The following MCC variants were observed in gnomAD, a reference collection of about 807,000 sequenced individuals.
The protein encoded by MCC is MCC regulator of Wnt signaling pathway, also known as colorectal mutant cancer protein.
A neutral mutation model predicts 116.2 loss-of-function variants in MCC; 90 were observed. The observed-to-expected ratio is 0.77, with a 90% CI of 0.65 to 0.92. The LOEUF (loss-of-function observed/expected upper bound fraction) is 0.92, where lower values mean the gene tolerates loss of function less well. MCC is among the 40% of genes least tolerant of loss of function. MCC has a pLI of 0.00. For synonymous variants in MCC, 578 were observed against 510.5 expected (o/e 1.13, Z -1.78); for missense variants, 1,516 against 1,312.2 (o/e 1.16, Z -2.40).
At chr5:113,095,311 T>C (rs1202706029) in intron 8 of MCC, among the ~76,000 whole-genome samples, 1 of 152,116 alleles carries the variant, frequency 6.6e-6, no homozygotes, top group Non-Finnish European at 1.5e-5. Context: ...ATCCCAAATT[T>C]TGGTACCAAG....
chr5:113,107,098 T>A (rs28513913), intron 6 of MCC, among the ~76,000 whole-genome samples: 10,167 of 152,222 alleles, frequency 0.067, 775 homozygotes, highest in African/African-American at 0.19. Context: ...CAACAGAGAA[T>A]AGGGTAGGCG....
chr5:113,434,020 G>GCTGCAT lies in MCC; in HGVS notation c.171-48814_171-48809dup, dbSNP rs1561569692. On this transcript the variant is annotated intron_variant, in intron 1 of 18. Coordinates refer to ENST00000408903, the MANE Select transcript of MCC (RefSeq NM_001085377.2). This position sits in a 1 kb window ranked among gnomAD's most constrained non-coding sequence, Gnocchi z 4.2. Reference sequence around the variant, plus strand: ...ACAGAGGGAGATCCCCGTGCCTTGGGCTGCATCCAGCAGTGGCTGAGGATC... The same window carrying GCTGCAT: ...ACAGAGGGAGATCCCCGTGCCTTGGGCTGCATCTGCATCCAGCAGTGGCTGAGGATC... The GCTGCAT allele has an allele frequency of 6.2e-7, 1 of 1,614,040 alleles. No homozygotes were observed. Among genetic ancestry groups the GCTGCAT allele is most frequent in the South Asian group, 1.1e-5 (1 of 91,076 alleles).
At chr5:113,151,464 G>T in intron 3 of MCC, 42 bp from the exon 4 acceptor site, 1 of 1,109,648 alleles carries the variant, frequency 9.0e-7, no homozygotes, top group Non-Finnish European at 1.3e-6. Flanking sequence ...TTGTAGCAGA[G>T]ATGTATTTCC....
chr5:113,187,754 CA>C (rs5870533), intron 3 of MCC, among the ~76,000 whole-genome samples: 38,318 of 122,456 alleles, frequency 0.31, 5,483 homozygotes, highest in African/African-American at 0.42. Context: ...GACTCCAACT[CA>C]AAAAAAAAAA....
intron 3 of MCC, among the ~76,000 whole-genome samples, chr5:113,211,119 T>C (rs1259412268): frequency 6.6e-6 from 1 of 152,180 alleles, no homozygotes; most frequent in Non-Finnish European, 1.5e-5. Flanking sequence ...TTTCAAAAGG[T>C]GGGCCTTAGG....
At chr5:113,215,447 TCAGTGGC>T (rs1763278289) in intron 3 of MCC, among the ~76,000 whole-genome samples, 1 of 152,194 alleles carries the variant, frequency 6.6e-6, no homozygotes, top group Non-Finnish European at 1.5e-5. Context: ...GTATTGAAAC[TCAGTGGC>T]CAATGTGATA....
chr5:113,202,702 T>C (rs906341419), intron 3 of MCC, among the ~76,000 whole-genome samples: 1 of 151,828 alleles, frequency 6.6e-6, no homozygotes. Context: ...TCAGACTTTA[T>C]GACTTCTGTT....
chr5:113,052,162 A>C (rs1752527711), intron 15 of MCC, among the ~76,000 whole-genome samples: 1 of 152,220 alleles, frequency 6.6e-6, no homozygotes, highest in Admixed American at 6.5e-5. Flanking sequence ...CTTAGGTAGA[A>C]TACCAGTAAA....
intron 10 of MCC, among the ~76,000 whole-genome samples, chr5:113,083,289 C>G (rs1754986119): frequency 6.6e-6 from 1 of 152,002 alleles, no homozygotes; most frequent in South Asian, 2.1e-4. Context: ...TCTTGGAGTT[C>G]CTTAAATTCT....
chr5:113,441,152 T>C (rs954187968), intron 1 of MCC, among the ~76,000 whole-genome samples: 11 of 152,132 alleles, frequency 7.2e-5, no homozygotes, highest in African/African-American at 7.2e-5. Flanking sequence ...CTGGCCAACA[T>C]GGTGAAACCC....
intron 5 of MCC, among the ~76,000 whole-genome samples, chr5:113,134,768 T>A (rs1039643997): frequency 6.6e-6 from 1 of 151,802 alleles, no homozygotes; most frequent in African/African-American, 2.4e-5. Flanking sequence ...CCTTGAGCAG[T>A]AGGATATAAA....
At chr5:113,164,784 A>C (rs546765866) in intron 3 of MCC, among the ~76,000 whole-genome samples, 5 of 152,316 alleles carry the variant, frequency 3.3e-5, no homozygotes, top group African/African-American at 1.2e-4. Flanking sequence ...AGAGAGCCTG[A>C]GGACTCAAGA....
intron 1 of MCC, among the ~76,000 whole-genome samples, chr5:113,394,938 T>C (rs917303069): frequency 1.3e-5 from 2 of 152,228 alleles, no homozygotes; most frequent in Non-Finnish European, 2.9e-5. Flanking sequence ...GACTACTTTT[T>C]TGCTATAATA....
rs764493976 is a variant in MCC at position 113,053,817 on chromosome 5, C to A, written c.2356G>T (p.Asp786Tyr). ...TMLELESIHI[D>Y]PLSYDVKPRG... is the part of the protein sequence containing the mutation. ...GGCTTGACGTCATAGCTGAGAGGAT[C>A]GATGTGGATGCTTTCCAGCTCCAGC... Residue 786 changes from aspartate (D) to tyrosine (Y), a missense_variant, in exon 15 of 19, where the codon GAT (aspartate) becomes TAT (tyrosine). Coordinates refer to ENST00000408903, the MANE Select transcript of MCC (RefSeq NM_001085377.2). The A allele has an allele frequency of 1.9e-6, 3 of 1,614,134 alleles. No homozygotes were observed. The highest frequency in any genetic ancestry group is 2.2e-5 in the East Asian group (1 of 44,884).
At chr5:113,274,736 C>T (rs140177496) in intron 3 of MCC, among the ~76,000 whole-genome samples, 160 of 152,290 alleles carry the variant, frequency 1.1e-3, no homozygotes, top group African/African-American at 3.6e-3. Flanking sequence ...TTCAAAGGGA[C>T]AAGTTTCTAT....
intron 3 of MCC, among the ~76,000 whole-genome samples, chr5:113,242,222 G>A (rs1437672101): frequency 6.6e-6 from 1 of 152,188 alleles, no homozygotes; most frequent in Non-Finnish European, 1.5e-5. Context: ...TGTGTGTCAG[G>A]AGAGTAATAG....
intron 3 of MCC, among the ~76,000 whole-genome samples, chr5:113,279,940 G>C (rs2150356722): frequency 6.6e-6 from 1 of 152,296 alleles, no homozygotes; most frequent in African/African-American, 2.4e-5. Context: ...TGCTTCACTA[G>C]AAGTATTTCA....
chr5:113,099,124 C>A (rs1236523838), intron 8 of MCC, among the ~76,000 whole-genome samples: 1 of 152,166 alleles, frequency 6.6e-6, no homozygotes, highest in Non-Finnish European at 1.5e-5. Context: ...TTTTTGAGAT[C>A]TACACTCATC....
chr5:113,097,582 T>A (rs1362518463), intron 8 of MCC, among the ~76,000 whole-genome samples: 1 of 152,228 alleles, frequency 6.6e-6, no homozygotes, highest in Non-Finnish European at 1.5e-5. Flanking sequence ...TTTCTCTATA[T>A]AGCCCTGTCT....
Sources: gnomAD v4.1 joint callset for allele counts (sites outside exome capture counted in the v4.1 genomes callset) on GRCh38, gnomAD v4.1.1 for gene constraint, Gnocchi (gnomAD v3.1) non-coding constraint, MANE v1.5 for transcripts, NCBI Gene and HGNC (gene_info 2026-07-23, HGNC 2026-07-21) for gene names.